The following CSMD3 variants were observed in gnomAD, a reference collection of about 807,000 sequenced individuals.
CSMD3 encodes the protein CUB and Sushi multiple domains 3, also known as CUB and sushi domain-containing protein 3.
A neutral mutation model predicts 435.2 loss-of-function variants in CSMD3; 177 were observed. That is an observed-to-expected ratio of 0.41 (90% CI 0.36 to 0.46). CSMD3 has a LOEUF of 0.46. Ranked by LOEUF, CSMD3 falls within the 20% of genes least tolerant of loss-of-function variation. The pLI is 0.34. For missense variants in CSMD3, 4,265 were observed against 4,504.6 expected (o/e 0.95, Z 1.52); for synonymous variants, 1,656 against 1,520.5 (o/e 1.09, Z -2.07).
chr8:113,181,664 G>T (rs2092423498), intron 3 of CSMD3, among the ~76,000 whole-genome samples: 1 of 151,988 alleles, frequency 6.6e-6, no homozygotes, highest in African/African-American at 2.4e-5. Flanking sequence ...AAAGGATCAT[G>T]AAATATAAAA....
At chr8:113,224,739 A>T (rs971033775) in intron 3 of CSMD3, among the ~76,000 whole-genome samples, 11 of 151,236 alleles carry the variant, frequency 7.3e-5, no homozygotes, top group Non-Finnish European at 3.0e-5. Context: ...CAACATTCAC[A>T]GAGGAGAGGC....
intron 16 of CSMD3, among the ~76,000 whole-genome samples, chr8:112,672,331 G>A (rs888854444): frequency 7.2e-5 from 11 of 152,068 alleles, no homozygotes; most frequent in African/African-American, 2.7e-4. Flanking sequence ...ATTATTAGTG[G>A]AGGCCTAAGG....
At chr8:112,232,906 G>A (rs1378183276) in intron 68 of CSMD3, among the ~76,000 whole-genome samples, 5 of 152,116 alleles carry the variant, frequency 3.3e-5, no homozygotes, top group Non-Finnish European at 7.4e-5. Flanking sequence ...GATGAGACAT[G>A]AAGACCTGGA....
chr8:113,019,929 C>T (rs1348602619), intron 5 of CSMD3, among the ~76,000 whole-genome samples: 3 of 150,960 alleles, frequency 2.0e-5, no homozygotes, highest in South Asian at 2.1e-4. Flanking sequence ...TTTGGGAGGC[C>T]GAGGCGGGTG....
chr8:113,184,000 C>T (rs2092461423), intron 3 of CSMD3, among the ~76,000 whole-genome samples: 1 of 151,968 alleles, frequency 6.6e-6, no homozygotes, highest in African/African-American at 2.4e-5. Context: ...GCTTAATCCC[C>T]AAGACTGACC....
intron 13 of CSMD3, among the ~76,000 whole-genome samples, chr8:112,761,880 C>A (rs2077847523): frequency 6.6e-6 from 1 of 151,890 alleles, no homozygotes; most frequent in South Asian, 2.1e-4. Context: ...TGTGGTATTG[C>A]CAGTGGATCC....
chr8:113,270,975 T>C (rs894378052), intron 3 of CSMD3, among the ~76,000 whole-genome samples: 4 of 101,208 alleles, frequency 4.0e-5, no homozygotes, highest in African/African-American at 2.1e-4. Flanking sequence ...TAAAGTATAA[T>C]CAAAAAGCAT....
intron 3 of CSMD3, among the ~76,000 whole-genome samples, chr8:113,196,449 T>C (rs1193486316): frequency 6.6e-6 from 1 of 151,216 alleles, no homozygotes; most frequent in Non-Finnish European, 1.5e-5. Flanking sequence ...GACACAAAGC[T>C]TTAAAGACAT....
At chr8:112,685,328 ACCAATAT>A in intron 15 of CSMD3, 71 bp downstream of exon 15, 1 of 1,157,028 alleles carries the variant, frequency 8.6e-7, no homozygotes, top group Non-Finnish European at 1.2e-6. Flanking sequence ...AAACAAGGGA[ACCAATAT>A]ACATGATCAC....
At chr8:112,820,747 C>T (rs1378165284) in intron 12 of CSMD3, among the ~76,000 whole-genome samples, 1 of 151,720 alleles carries the variant, frequency 6.6e-6, no homozygotes, top group African/African-American at 2.4e-5. Context: ...CCTATCAAGC[C>T]GTCATCTAGG....
At chr8:112,355,057 C>T (rs1237994901) in intron 38 of CSMD3, among the ~76,000 whole-genome samples, 1 of 152,176 alleles carries the variant, frequency 6.6e-6, no homozygotes, top group African/African-American at 2.4e-5. Context: ...CACACATCCA[C>T]AACTACTTGA....
intron 6 of CSMD3, among the ~76,000 whole-genome samples, chr8:113,018,046 G>C (rs555249824): frequency 2.4e-4 from 37 of 151,844 alleles, no homozygotes; most frequent in Non-Finnish European, 5.2e-4. Context: ...GATTTTCTAC[G>C]TGGACTTTGT....
chr8:112,890,244 T>C (rs557942287), intron 10 of CSMD3, among the ~76,000 whole-genome samples: 2 of 151,792 alleles, frequency 1.3e-5, no homozygotes, highest in African/African-American at 2.4e-5. Flanking sequence ...ATTGCCACTA[T>C]CTAAGATAGA....
rs552944307 is a variant in CSMD3 at position 113,417,997 on chromosome 8, G to A, written c.178+18680C>T. Among the ~76,000 whole-genome samples, 187 of 151,874 alleles carry A rather than the reference G, an allele frequency of 1.2e-3. 2 individuals are homozygous for A. Among genetic ancestry groups the A allele is most frequent in the Non-Finnish European group, 2.1e-3 (144 of 67,858 alleles). ...TGTTTTAAATGTGAGAAAATATTAG[G>A]TCAATTAATATTCTATTGTAAATCC... is the stretch of plus-strand genomic sequence containing the variant. On this transcript the variant is annotated intron_variant, in intron 1 of 70. Transcript: ENST00000297405.
intron 5 of CSMD3, among the ~76,000 whole-genome samples, chr8:113,038,926 C>CTAA (rs2087477625): frequency 6.6e-6 from 1 of 152,076 alleles, no homozygotes; most frequent in Non-Finnish European, 1.5e-5. Flanking sequence ...AATTTTAAGG[C>CTAA]TAATAACTAT....
chr8:112,526,561 C>A (rs934329984), intron 27 of CSMD3, among the ~76,000 whole-genome samples: 1 of 151,888 alleles, frequency 6.6e-6, no homozygotes, highest in African/African-American at 2.4e-5. Flanking sequence ...TTTGTGTATA[C>A]AACAACCAAT....
intron 10 of CSMD3, among the ~76,000 whole-genome samples, chr8:112,887,061 T>G (rs926042802): frequency 6.6e-6 from 1 of 151,646 alleles, no homozygotes; most frequent in African/African-American, 2.4e-5. Context: ...TGAATCTCTC[T>G]GTACCTCAGT....
Position 112,319,947 on chromosome 8 carries a change from A to G in CSMD3, c.7200T>C (p.Pro2400=), listed in dbSNP as rs1822836537. Residue 2400 remains proline (P), a synonymous_variant, in exon 46 of 71, where the codon CCT becomes CCC. Coordinates refer to ENST00000297405, the MANE Select transcript of CSMD3 (RefSeq NM_198123.2). ...YQLRVCQPPP[P]VPNAEILTED... is the part of the protein sequence containing the mutation. ...CCGTCAAAATTTCAGCATTGGGCAC[A>G]GGTGGTGGAGGTTGGCACACCCTTA... 3 of 1,612,936 alleles carry G rather than the reference A, an allele frequency of 1.9e-6. No homozygotes were observed.
At chr8:113,126,677 A>T (rs1465630502) in intron 4 of CSMD3, among the ~76,000 whole-genome samples, 2 of 151,946 alleles carry the variant, frequency 1.3e-5, no homozygotes, top group Non-Finnish European at 1.5e-5. Flanking sequence ...AGGAGGAGGA[A>T]GGGGAAGGAA....
Sources: gnomAD v4.1 joint callset for allele counts (sites outside exome capture counted in the v4.1 genomes callset) on GRCh38, gnomAD v4.1.1 for gene constraint, MANE v1.5 for transcripts, NCBI Gene and HGNC (gene_info 2026-07-23, HGNC 2026-07-21) for gene names.